The following ZSWIM6 variants were observed in gnomAD, a reference collection of about 807,000 sequenced individuals.
ZSWIM6 encodes zinc finger SWIM-type containing 6.
A neutral mutation model predicts 113.2 loss-of-function variants in ZSWIM6; 9 were observed. The ratio of observed to expected loss-of-function variants is 0.08; its 90% CI spans 0.05 to 0.14. The LOEUF is 0.14. ZSWIM6 is among the 10% of genes least tolerant of loss of function. The pLI, the probability that ZSWIM6 is intolerant of heterozygous loss-of-function variation, is 1.00. For synonymous variants in ZSWIM6, 611 were observed against 606.5 expected (o/e 1.01, Z -0.11); for missense variants, 1,162 against 1,552.2 (o/e 0.75, Z 4.22).
At chr5:61,540,925 T>TC (rs1329702428) in intron 12 of ZSWIM6, among the ~76,000 whole-genome samples, 1 of 106,734 alleles carries the variant, frequency 9.4e-6, no homozygotes, top group African/African-American at 3.8e-5. Context: ...GGTTTTTTTT[T>TC]TTTTTTTTTT....
chr5:61,337,149 G>A (rs1335348713), intron 1 of ZSWIM6, among the ~76,000 whole-genome samples: 1 of 151,974 alleles, frequency 6.6e-6, no homozygotes, highest in Admixed American at 6.5e-5. Context: ...GAGCGGTTGC[G>A]GGCGTCTGTA....
chr5:61,513,430 C>T (rs1469560240), intron 4 of ZSWIM6, among the ~76,000 whole-genome samples: 1 of 152,010 alleles, frequency 6.6e-6, no homozygotes, highest in African/African-American at 2.4e-5. Context: ...AACTTGTTTT[C>T]TCATTCTCTT....
intron 1 of ZSWIM6, among the ~76,000 whole-genome samples, chr5:61,436,299 G>T (rs1018057041): frequency 6.6e-6 from 1 of 151,942 alleles, no homozygotes; most frequent in Non-Finnish European, 1.5e-5. Flanking sequence ...GAACAATACA[G>T]TAGTAGTAAT....
intron 4 of ZSWIM6, among the ~76,000 whole-genome samples, chr5:61,517,366 A>G (rs1468730403): frequency 6.6e-6 from 1 of 152,060 alleles, no homozygotes; most frequent in Non-Finnish European, 1.5e-5. Context: ...CTAGCTTCAC[A>G]TTCACTGACT....
At chr5:61,454,763 T>C (rs1747165630) in intron 1 of ZSWIM6, among the ~76,000 whole-genome samples, 1 of 151,988 alleles carries the variant, frequency 6.6e-6, no homozygotes. Flanking sequence ...TTTGTATTTT[T>C]AGTAGAGATA....
At chr5:61,349,142 T>C (rs193127989) in intron 1 of ZSWIM6, among the ~76,000 whole-genome samples, 8 of 152,346 alleles carry the variant, frequency 5.3e-5, no homozygotes, top group Admixed American at 4.6e-4. Flanking sequence ...TACACTGTTA[T>C]GGAGTAGTCA....
chr5:61,433,197 T>G lies in ZSWIM6; in HGVS notation c.677-39484T>G, dbSNP rs1012287054. ...ATGGAGTACGTTTGGCTTACTACCTTTCATTCCCCCTCTAAGCAAGACATA... is the reference window on the plus strand; with the variant it reads ...ATGGAGTACGTTTGGCTTACTACCTGTCATTCCCCCTCTAAGCAAGACATA... On this transcript the variant is annotated intron_variant, in intron 1 of 13. Transcript: ENST00000252744. Among the ~76,000 whole-genome samples the G allele has an allele frequency of 3.9e-5, 6 of 152,332 alleles. No homozygotes were observed. In the South Asian group the frequency reaches 1.0e-3, roughly 26 times the overall value.
chr5:61,348,224 A>C (rs112216309), intron 1 of ZSWIM6, among the ~76,000 whole-genome samples: 163 of 152,314 alleles, frequency 1.1e-3, no homozygotes, highest in African/African-American at 3.6e-3. Context: ...GTCTCAAAAA[A>C]ACAAAAAACA....
At chr5:61,386,050 T>C (rs1344505190) in intron 1 of ZSWIM6, among the ~76,000 whole-genome samples, 1 of 152,216 alleles carries the variant, frequency 6.6e-6, no homozygotes, top group Non-Finnish European at 1.5e-5. Flanking sequence ...GGGAAATATT[T>C]GAGGCCTAAT....
chr5:61,361,758 AC>A (rs2112053666), intron 1 of ZSWIM6, among the ~76,000 whole-genome samples: 1 of 152,174 alleles, frequency 6.6e-6, no homozygotes, highest in East Asian at 1.9e-4. Context: ...ACAAAAGGCA[AC>A]CCTGTTATTC....
intron 1 of ZSWIM6, among the ~76,000 whole-genome samples, chr5:61,401,582 A>G (rs1167722220): frequency 6.6e-6 from 1 of 152,138 alleles, no homozygotes; most frequent in Non-Finnish European, 1.5e-5. Context: ...TTACCTGAAA[A>G]ATAGCTAGTA....
chr5:61,461,202 G>T (rs926506980), intron 1 of ZSWIM6, among the ~76,000 whole-genome samples: 3 of 152,104 alleles, frequency 2.0e-5, no homozygotes, highest in Non-Finnish European at 4.4e-5. Flanking sequence ...CATTTGAGAT[G>T]ACCATTGATT....
intron 1 of ZSWIM6, among the ~76,000 whole-genome samples, chr5:61,449,457 T>G (rs367920004): frequency 6.6e-6 from 1 of 152,194 alleles, no homozygotes; most frequent in African/African-American, 2.4e-5. Flanking sequence ...CTTGAACTCC[T>G]TGGCTCAAGC....
At position 61,543,499 on chromosome 5, in the gene ZSWIM6, T is replaced by C; in HGVS notation, c.2830T>C (p.Phe944Leu). ...CATCATGCAGACCTGGTTTACACTC[T>C]TTACTCCCACCGAGGCCACAAGTAT... Reference protein sequence around the residue: ...DSIMQTWFTLFTPTEATSIVA... With the variant: ...DSIMQTWFTLLTPTEATSIVA... Residue 944 changes from phenylalanine (F) to leucine (L), a missense_variant, in exon 14 of 14, where the codon TTT (phenylalanine) becomes CTT (leucine). By Grantham distance (22) the Phe-to-Leu change is conservative. This residue lies in a region of ZSWIM6 where 620 missense variants were observed against 804.6 expected (regional missense o/e 0.77). Coordinates refer to ENST00000252744, the MANE Select transcript of ZSWIM6 (RefSeq NM_020928.2). The surrounding 1 kb of genome is among the most constrained non-coding windows in gnomAD (Gnocchi z 4.3). 3 of 1,551,178 alleles carry C rather than the reference T, an allele frequency of 1.9e-6. No individual in the cohort carries two copies. The highest frequency in any genetic ancestry group is 2.6e-6 in the Non-Finnish European group (3 of 1,146,914).
At chr5:61,377,664 C>T (rs1745399511) in intron 1 of ZSWIM6, among the ~76,000 whole-genome samples, 1 of 151,750 alleles carries the variant, frequency 6.6e-6, no homozygotes, top group Admixed American at 6.5e-5. Flanking sequence ...TTGCAGTGAG[C>T]CAAGATCACA....
In ZSWIM6 at chr5:61,367,234, C is replaced by T. The variant is rs113116303; in HGVS notation, c.676+34286C>T. ...TTCTGCAGTGTAGAAATGCTTACAT[C>T]AGGCCTTAAGTGCCTTTTTTCTTTT... On this transcript the variant is annotated intron_variant, in intron 1 of 13. Coordinates refer to ENST00000252744, the MANE Select transcript of ZSWIM6 (RefSeq NM_020928.2). Among the ~76,000 whole-genome samples the T allele has an allele frequency of 2.0e-4, 30 of 152,200 alleles. 2 individuals carry two copies. Among genetic ancestry groups the T allele is most frequent in the African/African-American group, 7.0e-4 (29 of 41,534 alleles).
intron 2 of ZSWIM6, among the ~76,000 whole-genome samples, chr5:61,487,732 CCTGCAACTTTACTGA>C (rs1748059042): frequency 1.3e-5 from 2 of 152,006 alleles, no homozygotes; most frequent in South Asian, 4.1e-4. Flanking sequence ...GATTTTGCAT[CCTGCAACTTTACTGA>C]ATTCGTTTAT....
intron 1 of ZSWIM6, among the ~76,000 whole-genome samples, chr5:61,419,052 C>T (rs1375256090): frequency 6.6e-6 from 1 of 152,212 alleles, no homozygotes; most frequent in East Asian, 1.9e-4. Flanking sequence ...GAACTCCTGA[C>T]TTCAGGTGAT....
At chr5:61,495,078 A>T (rs16891822) in intron 4 of ZSWIM6, among the ~76,000 whole-genome samples, 7 of 152,108 alleles carry the variant, frequency 4.6e-5, no homozygotes, top group African/African-American at 1.4e-4. Flanking sequence ...TTGTCTTTTT[A>T]TTAAGAAATC....
Sources: gnomAD v4.1 joint callset for allele counts (sites outside exome capture counted in the v4.1 genomes callset) on GRCh38, gnomAD v4.1.1 for gene constraint, gnomAD v4.1.1 regional missense constraint, Gnocchi (gnomAD v3.1) non-coding constraint, MANE v1.5 for transcripts, NCBI Gene and HGNC (gene_info 2026-07-23, HGNC 2026-07-21) for gene names.